RNF43: variants seen among roughly 807,000 people sequenced by gnomAD.
RNF43 encodes the protein ring finger protein 43, also known as E3 ubiquitin-protein ligase RNF43.
A neutral mutation model predicts 78.4 loss-of-function variants in RNF43; 37 were observed. That is an observed-to-expected ratio of 0.47 (90% CI 0.36 to 0.62). RNF43 has a LOEUF of 0.62. Among genes scored for constraint, RNF43 ranks in the 20% least tolerant of loss-of-function variants. The pLI is 0.00. For missense variants in RNF43, 774 were observed against 1,007.9 expected (o/e 0.77, Z 3.14); for synonymous variants, 347 against 395.0 (o/e 0.88, Z 1.44).
At chr17:58,389,150 C>T (rs761805810) in intron 2 of RNF43, among the ~76,000 whole-genome samples, 1 of 151,900 alleles carries the variant, frequency 6.6e-6, no homozygotes, top group Non-Finnish European at 1.5e-5. Context: ...GAGAGCTGTT[C>T]CAGTAATCTA....
At chr17:58,375,469 G>C (rs556722203) in intron 2 of RNF43, among the ~76,000 whole-genome samples, 1 of 152,106 alleles carries the variant, frequency 6.6e-6, no homozygotes, top group Non-Finnish European at 1.5e-5. Flanking sequence ...ATTACCCCAC[G>C]GTATTGTAAT....
In RNF43 at chr17:58,354,809, A is replaced by G; in HGVS notation, c.*134T>C. 1.2e-6 allele frequency: 1 copy of G among 809,146 alleles called. No individual in the cohort carries two copies. The highest frequency in any genetic ancestry group is 2.1e-6 in the Non-Finnish European group (1 of 470,562). 50.1% of individuals were successfully genotyped at this position (809,146 alleles called of 1,614,324 possible). On this transcript the variant is annotated 3_prime_UTR_variant, in exon 10 of 10. Transcript: ENST00000407977. ...CCTCCACCATCACCAGTCCTCTTCC[A>G]GTGCTTCTAGGAAGTACGGCAAAAA...
At position 58,360,693 on chromosome 17, in the gene RNF43, A is replaced by AC. The variant is rs1972816355; in HGVS notation, c.849+89dup. 1 of 1,336,404 alleles carries AC rather than the reference A, an allele frequency of 7.5e-7. No individual in the cohort carries two copies. Among genetic ancestry groups the AC allele is most frequent in the Admixed American group, 2.2e-5 (1 of 45,218 alleles). 82.8% of individuals were successfully genotyped at this position (1,336,404 alleles called of 1,614,324 possible). On this transcript the variant is annotated intron_variant, in intron 7 of 9. Transcript: ENST00000407977. This position sits in a 1 kb window ranked among gnomAD's most constrained non-coding sequence, Gnocchi z 4.3. ...CATGGGAAACAGATGTAGCCAGGGTACCCATACCAGCCCCTAGGCCTGCCC... is the reference window on the plus strand; with the variant it reads ...CATGGGAAACAGATGTAGCCAGGGTACCCCATACCAGCCCCTAGGCCTGCCC...
intron 2 of RNF43, among the ~76,000 whole-genome samples, chr17:58,376,796 T>C (rs999138075): frequency 6.6e-6 from 1 of 152,088 alleles, no homozygotes; most frequent in African/African-American, 2.4e-5. Flanking sequence ...AGGGTGTGGC[T>C]GTGGAGGGCT....
intron 2 of RNF43, among the ~76,000 whole-genome samples, chr17:58,408,779 CAG>C (rs1431218144): frequency 9.9e-5 from 15 of 152,256 alleles, no homozygotes; most frequent in Middle Eastern, 3.4e-3. Flanking sequence ...TCCCAGCCAT[CAG>C]AGTTACTCAA....
rs1182564049 is a variant in RNF43 at position 58,415,311 on chromosome 17, T to G, written c.252+15A>C. 1 of 1,613,810 alleles carries G rather than the reference T, an allele frequency of 6.2e-7. No homozygotes were observed. The highest frequency in any genetic ancestry group is 2.2e-5 in the East Asian group (1 of 44,882). On this transcript the variant is annotated intron_variant, in intron 2 of 9. Coordinates refer to ENST00000407977, the MANE Select transcript of RNF43 (RefSeq NM_017763.6). ...CAAACAGATGGAAAGTGAAATATAA[T>G]AAAGTTATACTTGCCTGCATTAATT...
chr17:58,374,938 G>A (rs902499602), intron 2 of RNF43, among the ~76,000 whole-genome samples: 3 of 152,036 alleles, frequency 2.0e-5, no homozygotes, highest in African/African-American at 7.2e-5. Context: ...TCTGGGATTG[G>A]AACCATCATC....
intron 2 of RNF43, among the ~76,000 whole-genome samples, chr17:58,394,513 C>T (rs1036330221): frequency 6.6e-6 from 1 of 152,230 alleles, no homozygotes; most frequent in African/African-American, 2.4e-5. Flanking sequence ...TTAGGTATCA[C>T]TGCACTTCTG....
In RNF43 at chr17:58,357,278, G is replaced by A; in HGVS notation, c.2308+190C>T. 1.3e-6 allele frequency: 1 copy of A among 776,182 alleles called. No individual in the cohort carries two copies. The highest frequency in any genetic ancestry group is 2.2e-6 in the Non-Finnish European group (1 of 450,706). 48.1% of individuals were successfully genotyped at this position (776,182 alleles called of 1,614,324 possible). Reference sequence around the variant, plus strand: ...TCTGCCAACTAAAGGGGTAGCACCTGGCAGAGGTGGGGTGTTCCTGCACTC... The same window carrying A: ...TCTGCCAACTAAAGGGGTAGCACCTAGCAGAGGTGGGGTGTTCCTGCACTC... On this transcript the variant is annotated intron_variant, in intron 9 of 9. Transcript: ENST00000407977. The surrounding 1 kb of genome is among the most constrained non-coding windows in gnomAD (Gnocchi z 4.5).
At position 58,378,768 on chromosome 17, in the gene RNF43, G is replaced by T. The variant is rs576920251; in HGVS notation, c.253-7735C>A. On this transcript the variant is annotated intron_variant, in intron 2 of 9. Coordinates refer to ENST00000407977, the MANE Select transcript of RNF43 (RefSeq NM_017763.6). ...AGGGGTGCTGGTGAGCGAAAGAGCT[G>T]ACAAGATAGAACTGAAATGATGTTC... Among the ~76,000 whole-genome samples, 13 of 152,238 alleles carry T rather than the reference G, an allele frequency of 8.5e-5. No homozygotes were observed. The East Asian group carries it at 2.1e-3, about 25-fold the overall frequency.
At chr17:58,377,970 G>T (rs1973241424) in intron 2 of RNF43, among the ~76,000 whole-genome samples, 1 of 151,916 alleles carries the variant, frequency 6.6e-6, no homozygotes, top group Non-Finnish European at 1.5e-5. Context: ...ATGGGGGTGG[G>T]AAAAAAACAG....
intron 2 of RNF43, among the ~76,000 whole-genome samples, chr17:58,396,819 T>G (rs1054652986): frequency 1.3e-5 from 2 of 152,202 alleles, no homozygotes; most frequent in Non-Finnish European, 2.9e-5. Flanking sequence ...CTAAACATTT[T>G]TTATCCTTTA....
At chr17:58,404,583 A>G (rs10515155) in intron 2 of RNF43, among the ~76,000 whole-genome samples, 28,251 of 152,124 alleles carry the variant, frequency 0.19, 2,729 homozygotes, top group Non-Finnish European at 0.2. Context: ...TTCTTCTTAA[A>G]TGGTTCTCTA....
rs775059555 is a variant in RNF43, at chr17:58,415,324, G to C, written c.252+2C>G. ...AGTGAAATATAATAAAGTTATACTT[G>C]CCTGCATTAATTTTCCTTCTGCTGG... is the stretch of plus-strand genomic sequence containing the variant. On this transcript the variant is annotated splice_donor_variant, in intron 2 of 9. Coordinates refer to ENST00000407977, the MANE Select transcript of RNF43 (RefSeq NM_017763.6). LOFTEE classifies it high-confidence loss of function. 1 of 1,613,886 alleles carries C rather than the reference G, an allele frequency of 6.2e-7. No individual in the cohort carries two copies. Among genetic ancestry groups the C allele is most frequent in the Non-Finnish European group, 8.5e-7 (1 of 1,179,848 alleles).
At chr17:58,392,668 T>A (rs562410633) in intron 2 of RNF43, among the ~76,000 whole-genome samples, 1 of 152,348 alleles carries the variant, frequency 6.6e-6, no homozygotes, top group South Asian at 2.1e-4. Context: ...GAGGACAGCA[T>A]ATAACTTAGC....
At chr17:58,388,645 C>T (rs1426203207) in intron 2 of RNF43, among the ~76,000 whole-genome samples, 2 of 152,262 alleles carry the variant, frequency 1.3e-5, no homozygotes, top group East Asian at 1.9e-4. Flanking sequence ...TGGTACAAAA[C>T]GACATTGTAT....
intron 9 of RNF43, 97 bp from the exon 10 acceptor site, chr17:58,355,083 A>G (rs1483458264): frequency 9.2e-7 from 1 of 1,088,570 alleles, no homozygotes; most frequent in Non-Finnish European, 1.4e-6. Context: ...AGGGGACCAC[A>G]GGGAGGGAGA....
Position 58,360,397 on chromosome 17 carries a change from T to G in RNF43, c.850-146A>C. Reference sequence around the variant, plus strand: ...ACAGTAGAATAGGAATGGTATGAGCTTTGGCATCACATAGACCTGGATTTT... The same window carrying G: ...ACAGTAGAATAGGAATGGTATGAGCGTTGGCATCACATAGACCTGGATTTT... On this transcript the variant is annotated intron_variant, in intron 7 of 9. Coordinates refer to ENST00000407977, the MANE Select transcript of RNF43 (RefSeq NM_017763.6). The surrounding 1 kb of genome is among the most constrained non-coding windows in gnomAD (Gnocchi z 4.3). 1 of 639,826 alleles carries G rather than the reference T, an allele frequency of 1.6e-6. No homozygotes were observed. The highest frequency in any genetic ancestry group is 2.8e-6 in the Non-Finnish European group (1 of 363,520). The allele number at this position is 639,826 out of a possible 1,614,324, so 39.6% of individuals were successfully genotyped here. A position where few individuals can be genotyped will look rare whatever the true frequency, so the allele number is the denominator to read the frequency against.
intron 3 of RNF43, among the ~76,000 whole-genome samples, chr17:58,366,848 C>T (rs989123153): frequency 1.3e-5 from 2 of 152,142 alleles, no homozygotes; most frequent in African/African-American, 4.8e-5. Context: ...ATTTTTGAGA[C>T]AGAGTCTCAC....
Sources: gnomAD v4.1 joint callset for allele counts (sites outside exome capture counted in the v4.1 genomes callset) on GRCh38, gnomAD v4.1.1 for gene constraint, Gnocchi (gnomAD v3.1) non-coding constraint, MANE v1.5 for transcripts, NCBI Gene and HGNC (gene_info 2026-07-23, HGNC 2026-07-21) for gene names.